Variants in MAST3 observed in about 807,000 individuals in gnomAD.
The protein encoded by MAST3 is microtubule associated serine/threonine kinase 3.
In MAST3, 43 loss-of-function variants were observed where a neutral mutation model predicts 127.0. The observed-to-expected ratio is 0.34, with a 90% CI of 0.27 to 0.44. MAST3 has a LOEUF of 0.44. Ranked by LOEUF, MAST3 falls within the 20% of genes least tolerant of loss-of-function variation. The probability of loss-of-function intolerance (pLI) is 1.00; values close to 1 mark genes in which losing one functional copy is unlikely to be tolerated. For synonymous variants in MAST3, 785 were observed against 809.2 expected, an observed-to-expected ratio of 0.97 and a Z score of 0.51; for missense variants, 1,390 against 1,919.1, an observed-to-expected ratio of 0.72 and a Z score of 5.15.
intron 1 of MAST3, chr19:18,098,774 C>T (rs776749057): frequency 1.1e-5 from 5 of 456,688 alleles, no homozygotes; most frequent in South Asian, 7.7e-5. Context: ...ATTTATGGAG[C>T]GCCTGCTGTG....
At position 18,110,074 on chromosome 19, in the gene MAST3, C is replaced by A. The variant is rs374936234; in HGVS notation, c.72-578C>A. ...GGCGGCACCCGCGGCTCCCCTTTCCCGCTGCGCGACCCTCGCTGCCGGGCC... is the reference window on the plus strand; with the variant it reads ...GGCGGCACCCGCGGCTCCCCTTTCCAGCTGCGCGACCCTCGCTGCCGGGCC... On this transcript the variant is annotated intron_variant, in intron 2 of 27. Coordinates refer to ENST00000687212, the MANE Select transcript of MAST3 (RefSeq NM_001393504.1). The surrounding 1 kb of genome is among the most constrained non-coding windows in gnomAD (Gnocchi z 4.3). 3,275 of 985,296 alleles carry A rather than the reference C, an allele frequency of 3.3e-3. 76 individuals are homozygous for A. The African/African-American group carries it at 0.051, about 15-fold the overall frequency. 61.0% of individuals were successfully genotyped at this position (985,296 alleles called of 1,614,324 possible).
chr19:18,146,544 G>T (rs2043032862), intron 25 of MAST3, among the ~76,000 whole-genome samples: 1 of 152,064 alleles, frequency 6.6e-6, no homozygotes, highest in African/African-American at 2.4e-5. Context: ...ATGACTCATG[G>T]GCCATTAGGT....
chr19:18,118,581 G>A (rs1011424010), intron 3 of MAST3, among the ~76,000 whole-genome samples: 1 of 152,184 alleles, frequency 6.6e-6, no homozygotes, highest in Non-Finnish European at 1.5e-5. Flanking sequence ...AAAAACTGAG[G>A]CTGATCTGCC....
intron 15 of MAST3, among the ~76,000 whole-genome samples, chr19:18,133,845 C>T (rs1396964016): frequency 6.6e-6 from 1 of 152,038 alleles, no homozygotes; most frequent in Non-Finnish European, 1.5e-5. Flanking sequence ...TGAGCCACTG[C>T]GCCCGGCAAA....
Position 18,139,094 on chromosome 19 carries a change from G to C in MAST3, c.2175G>C (p.Gln725His). 3 of 1,603,948 alleles carry C rather than the reference G, an allele frequency of 1.9e-6. No homozygotes were observed. Among genetic ancestry groups the C allele is most frequent in the Non-Finnish European group, 2.6e-6 (3 of 1,175,526 alleles). The change falls in exon 20 of 28, where the codon CAG becomes CAC. Residue 725 changes from glutamine (Q) to histidine (H), a missense_variant. Around this residue, in one of 5 missense-constraint regions of MAST3, gnomAD observed 816 missense variants for 934.1 expected, o/e 0.87. Coordinates refer to ENST00000687212, the MANE Select transcript of MAST3 (RefSeq NM_001393504.1). ...AAGAATCGTCCACAGAGATCCCCCA[G>C]TTCTCCTCCTGCTCCCACCGGTTCA... ...NDEESSTEIP[Q>H]FSSCSHRFSK...
chr19:18,098,763 C>A, intron 1 of MAST3: 1 of 456,716 alleles, frequency 2.2e-6, no homozygotes, highest in South Asian at 1.5e-5. Context: ...ACCCAACGAA[C>A]ATTTATGGAG....
chr19:18,122,669 C>G lies in MAST3; in HGVS notation c.321-4C>G. ...CTTCCATCTGTTCTTGTTCCCCTCT[C>G]CAGGGCAGACGGCAGAAGATGGTCC... On this transcript the variant is annotated splice_polypyrimidine_tract_variant and splice_region_variant and intron_variant, in intron 5 of 27. Transcript: ENST00000687212. The G allele has an allele frequency of 6.2e-7, 1 of 1,612,296 alleles. No homozygotes were observed. Among genetic ancestry groups the G allele is most frequent in the Non-Finnish European group, 8.5e-7 (1 of 1,179,188 alleles).
In MAST3 at chr19:18,120,133, G is replaced by T. The variant is rs1204191488; in HGVS notation, c.162-1552G>T. ...TGGGCCAGGGATCTGGTGGCCAGAA[G>T]GGAACTGGGATGGAAAGAGGAAAAC... On this transcript the variant is annotated intron_variant, in intron 3 of 27. Transcript: ENST00000687212. Among the ~76,000 whole-genome samples the T allele has an allele frequency of 2.0e-5, 3 of 152,326 alleles. No individual in the cohort carries two copies. In the East Asian group the frequency reaches 5.8e-4, roughly 29 times the overall value.
chr19:18,131,864 G>C (rs1453160292), intron 14 of MAST3, 45 bp from the exon 15 acceptor site: 1 of 1,484,172 alleles, frequency 6.7e-7, no homozygotes, highest in South Asian at 1.2e-5. Flanking sequence ...CGGGCGGGGG[G>C]CGGGGGTGCC....
In MAST3 at chr19:18,110,132, C is replaced by T. The variant is rs953641891; in HGVS notation, c.72-520C>T. 7.1e-6 allele frequency: 7 copies of T among 985,238 alleles called. No individual in the cohort carries two copies. Among genetic ancestry groups the T allele is most frequent in the Non-Finnish European group, 8.4e-6 (7 of 829,928 alleles). The allele number at this position is 985,238 out of a possible 1,614,324, so 61.0% of individuals were successfully genotyped here. ...CGCGCAGGTGCGGAGCTGCGATCCC[C>T]GCCCCGAGGCGGAGCCAGCCCGGCC... On this transcript the variant is annotated intron_variant, in intron 2 of 27. Transcript: ENST00000687212. This position sits in a 1 kb window ranked among gnomAD's most constrained non-coding sequence, Gnocchi z 4.3.
intron 21 of MAST3, among the ~76,000 whole-genome samples, chr19:18,143,430 G>T (rs1030319211): frequency 3.3e-5 from 5 of 152,110 alleles, no homozygotes; most frequent in Non-Finnish European, 7.4e-5. Flanking sequence ...ACAAAAATTA[G>T]CCCAGTGTGG....
intron 5 of MAST3, 58 bp downstream of exon 5, chr19:18,121,980 G>T: frequency 6.3e-7 from 1 of 1,594,676 alleles, no homozygotes; most frequent in Non-Finnish European, 8.6e-7. Context: ...GGTTGGGCAG[G>T]GGCACGTGCT....
At chr19:18,116,058 C>G in intron 3 of MAST3, among the ~76,000 whole-genome samples, 1 of 148,732 alleles carries the variant, frequency 6.7e-6, no homozygotes, top group Non-Finnish European at 1.5e-5. Context: ...TCTCCTTTCT[C>G]TTCCCTTCTC....
In MAST3 at chr19:18,149,516, C is replaced by G. The variant is rs1169076554; in HGVS notation, c.3834C>G (p.Arg1278=). The G allele has an allele frequency of 6.4e-7, 1 of 1,550,622 alleles. No individual in the cohort carries two copies. The highest frequency in any genetic ancestry group is 1.4e-5 in the African/African-American group (1 of 73,222). The change falls in exon 28 of 28, where the codon CGC becomes CGG. Residue 1278 remains arginine (R), a synonymous_variant. Coordinates refer to ENST00000687212, the MANE Select transcript of MAST3 (RefSeq NM_001393504.1). This position sits in a 1 kb window ranked among gnomAD's most constrained non-coding sequence, Gnocchi z 5.9. ...GERLDGEAGR[R]TRGPEAELVV... is the part of the protein sequence containing the mutation. ...GGCTGGATGGGGAGGCGGGGCGGCG[C>G]ACTCGTGGGCCAGAGGCCGAGCTCG...
rs564648825 is a variant in MAST3, at chr19:18,145,344, G to C, written c.3039+115G>C. ...GCAGGGTTAGGTAGATAGAGCTGGT[G>C]CCACCGAGTTCATCTCGGTCCCTGT... On this transcript the variant is annotated intron_variant, in intron 24 of 27. Coordinates refer to ENST00000687212, the MANE Select transcript of MAST3 (RefSeq NM_001393504.1). This position sits in a 1 kb window ranked among gnomAD's most constrained non-coding sequence, Gnocchi z 5.9. The C allele has an allele frequency of 3.1e-6, 3 of 968,384 alleles. No individual in the cohort carries two copies. In the African/African-American group the frequency reaches 4.8e-5, roughly 16 times the overall value. 60.0% of individuals were successfully genotyped at this position (968,384 alleles called of 1,614,324 possible).
Position 18,144,812 on chromosome 19 carries a change from G to C in MAST3, c.2812+119G>C, listed in dbSNP as rs1239623575. 52 of 1,134,746 alleles carry C rather than the reference G, an allele frequency of 4.6e-5. 1 individual carries two copies. Among genetic ancestry groups the C allele is most frequent in the Non-Finnish European group, 1.6e-5 (12 of 773,424 alleles). 70.3% of individuals were successfully genotyped at this position (1,134,746 alleles called of 1,614,324 possible). On this transcript the variant is annotated intron_variant, in intron 23 of 27. Transcript: ENST00000687212. This position sits in a 1 kb window ranked among gnomAD's most constrained non-coding sequence, Gnocchi z 4.0. ...GCCCCAGAAGAGGGGAGGAGGAGTA[G>C]GACACATGGAGAGCTGGGGAGATGG... is the stretch of plus-strand genomic sequence containing the variant.
chr19:18,138,668 T>C (rs2042130209), intron 19 of MAST3, among the ~76,000 whole-genome samples: 1 of 151,636 alleles, frequency 6.6e-6, no homozygotes, highest in African/African-American at 2.4e-5. Flanking sequence ...CCAGCTAATA[T>C]TTGTATTTGT....
In MAST3 at chr19:18,123,921, C is replaced by T. The variant is rs556227078; in HGVS notation, c.634-18C>T. 12 of 1,544,108 alleles carry T rather than the reference C, an allele frequency of 7.8e-6. No individual in the cohort carries two copies. The highest frequency in any genetic ancestry group is 9.6e-6 in the Non-Finnish European group (11 of 1,150,106). ...AGCCCCGCCCTCTGACCAGGTCGCC[C>T]CGTCTCGCCCCACCCAGGCCACAGC... On this transcript the variant is annotated intron_variant, in intron 8 of 27. Coordinates refer to ENST00000687212, the MANE Select transcript of MAST3 (RefSeq NM_001393504.1).
Position 18,129,032 on chromosome 19 carries a change from C to T in MAST3, c.1223+81C>T, listed in dbSNP as rs1415771571. On this transcript the variant is annotated intron_variant, in intron 13 of 27. Transcript: ENST00000687212. ...AGGCCCAGGCAGCTCCTGCATCCCCCTCCTACCCCAGCAGGGCTCACACAT... is the reference window on the plus strand; with the variant it reads ...AGGCCCAGGCAGCTCCTGCATCCCCTTCCTACCCCAGCAGGGCTCACACAT... 3.3e-6 allele frequency: 4 copies of T among 1,214,220 alleles called. No homozygotes were observed. In the Admixed American group the frequency reaches 6.9e-5, roughly 21 times the overall value. 75.2% of individuals were successfully genotyped at this position (1,214,220 alleles called of 1,614,324 possible).
Sources: allele counts gnomAD v4.1 joint callset (sites outside exome capture counted in the v4.1 genomes callset), GRCh38; gene constraint gnomAD v4.1.1; regional missense constraint gnomAD v4.1.1; non-coding constraint Gnocchi (gnomAD v3.1); transcripts MANE v1.5; gene names NCBI Gene and HGNC (gene_info 2026-07-23, HGNC 2026-07-21).